The following FHAD1 variants were observed in gnomAD, a reference collection of about 807,000 sequenced individuals.
FHAD1 encodes the protein forkhead associated phosphopeptide binding domain 1, also known as forkhead-associated domain-containing protein 1.
Under a neutral mutation model 191.3 loss-of-function variants are expected in FHAD1, and 146 were observed. That is an observed-to-expected ratio of 0.76 (90% confidence interval 0.67 to 0.88). The LOEUF (loss-of-function observed/expected upper bound fraction) is 0.88, where lower values mean the gene tolerates loss of function less well. FHAD1 is among the 40% of genes least tolerant of loss of function. The pLI, the probability that FHAD1 is intolerant of heterozygous loss-of-function variation, is 0.00. For synonymous variants in FHAD1, 616 were observed against 672.3 expected (o/e 0.92, Z 1.29); for missense variants, 1,635 against 1,785.8 (o/e 0.92, Z 1.52).
At chr1:15,396,930 A>C (rs890253206) in intron 33 of FHAD1, among the ~76,000 whole-genome samples, 13 of 151,994 alleles carry the variant, frequency 8.6e-5, no homozygotes, top group Non-Finnish European at 1.3e-4. Context: ...CAAGCCTGTA[A>C]TCTCAGCACT....
chr1:15,299,635 A>C (rs894222342), intron 5 of FHAD1, among the ~76,000 whole-genome samples: 2 of 152,208 alleles, frequency 1.3e-5, no homozygotes, highest in African/African-American at 2.4e-5. Context: ...GTGCTCCCTC[A>C]AGGAAGTCAC....
At position 15,316,517 on chromosome 1, in the gene FHAD1, G is replaced by A; in HGVS notation, c.1260+50G>A. The A allele has an allele frequency of 6.7e-7, 1 of 1,486,218 alleles. No homozygotes were observed. The highest frequency in any genetic ancestry group is 9.2e-7 in the Non-Finnish European group (1 of 1,089,546). 92.1% of individuals were successfully genotyped at this position (1,486,218 alleles called of 1,614,324 possible). Reference sequence around the variant, plus strand: ...GGTACCACCAGAAAAAACAGAGTTTGACCTTGAGGTTCTTGGTGGGATCCT... The same window carrying A: ...GGTACCACCAGAAAAAACAGAGTTTAACCTTGAGGTTCTTGGTGGGATCCT... On this transcript the variant is annotated intron_variant, in intron 9 of 33. Transcript: ENST00000688493. The surrounding 1 kb of genome is among the most constrained non-coding windows in gnomAD (Gnocchi z 4.3).
At chr1:15,296,863 T>A in intron 5 of FHAD1, 70 bp downstream of exon 5, 2 of 1,265,512 alleles carry the variant, frequency 1.6e-6, no homozygotes, top group African/African-American at 1.5e-5. Flanking sequence ...TGCCGATGCC[T>A]GTTCTGTGTG....
At chr1:15,387,154 G>A (rs1702331514) in intron 31 of FHAD1, among the ~76,000 whole-genome samples, 4 of 152,118 alleles carry the variant, frequency 2.6e-5, no homozygotes, top group Non-Finnish European at 4.4e-5. Flanking sequence ...CTCCCAAAGT[G>A]CTGGGATTAT....
At chr1:15,390,583 C>G (rs1015783576) in intron 32 of FHAD1, among the ~76,000 whole-genome samples, 2 of 152,108 alleles carry the variant, frequency 1.3e-5, no homozygotes, top group Admixed American at 6.5e-5. Context: ...TTGGGGATCT[C>G]TGAGAGGGGG....
At chr1:15,363,088 C>G (rs1044331809) in intron 23 of FHAD1, among the ~76,000 whole-genome samples, 18 of 152,134 alleles carry the variant, frequency 1.2e-4, no homozygotes, top group Admixed American at 1.2e-3. Context: ...AAAAGAGATT[C>G]ATTTCTTACA....
At chr1:15,254,506 C>CA (rs1647180415) in intron 2 of FHAD1, among the ~76,000 whole-genome samples, 1 of 83,698 alleles carries the variant, frequency 1.2e-5, no homozygotes, top group Non-Finnish European at 2.3e-5. Flanking sequence ...TTTTTGTTCA[C>CA]AGTAAGGTGG....
At chr1:15,370,557 C>T (rs1157960915) in intron 26 of FHAD1, among the ~76,000 whole-genome samples, 2 of 152,202 alleles carry the variant, frequency 1.3e-5, no homozygotes, top group Admixed American at 1.3e-4. Context: ...GCCAAACTGC[C>T]TTCCCGAAGA....
At chr1:15,273,998 G>A (rs960809199) in intron 3 of FHAD1, among the ~76,000 whole-genome samples, 3 of 152,132 alleles carry the variant, frequency 2.0e-5, no homozygotes, top group Non-Finnish European at 4.4e-5. Flanking sequence ...TACGATATTT[G>A]TCCTTTTGTG....
downstream of FHAD1, among the ~76,000 whole-genome samples, chr1:15,402,369 T>C (rs1013455598): frequency 6.6e-5 from 10 of 152,212 alleles, no homozygotes. Flanking sequence ...AGTTTTAGGG[T>C]ACATGTGCAC....
At chr1:15,352,766 T>C in intron 19 of FHAD1, 111 bp from the exon 20 acceptor site, 1 of 752,382 alleles carries the variant, frequency 1.3e-6, no homozygotes. Context: ...TTGAGATCTT[T>C]CTCTCCAACC....
upstream of FHAD1, among the ~76,000 whole-genome samples, chr1:15,243,546 ACAGT>A (rs1461735498): frequency 6.6e-6 from 1 of 152,204 alleles, no homozygotes; most frequent in Admixed American, 6.5e-5. Context: ...GAAACATCAC[ACAGT>A]TCTCTGAGGA....
At chr1:15,353,203 T>A (rs1044638954) in intron 20 of FHAD1, among the ~76,000 whole-genome samples, 2 of 152,122 alleles carry the variant, frequency 1.3e-5, no homozygotes, top group African/African-American at 4.8e-5. Context: ...ATGACTGCTG[T>A]TATACACACA....
In FHAD1 at chr1:15,328,221, C is replaced by G; in HGVS notation, c.1558-56C>G. 9.3e-6 allele frequency: 13 copies of G among 1,393,096 alleles called. No homozygotes were observed. In the South Asian group the frequency reaches 1.8e-4, roughly 19 times the overall value. The allele number at this position is 1,393,096 out of a possible 1,614,324, so 86.3% of individuals were successfully genotyped here. A position where few individuals can be genotyped will look rare whatever the true frequency, so the allele number is the denominator to read the frequency against. On this transcript the variant is annotated intron_variant, in intron 12 of 33. Coordinates refer to ENST00000688493, the MANE Select transcript of FHAD1 (RefSeq NM_001391957.1). Reference sequence around the variant, plus strand: ...TCCCATTCCCCTTCCCTCAGGGCCCCCCACCCCTGTATGTTACATCTTTTT... The same window carrying G: ...TCCCATTCCCCTTCCCTCAGGGCCCGCCACCCCTGTATGTTACATCTTTTT...
Position 15,297,414 on chromosome 1 carries a change from C to T in FHAD1, c.678+621C>T, listed in dbSNP as rs11587859. Among the ~76,000 whole-genome samples the T allele has an allele frequency of 8.2e-3, 1,252 of 152,296 alleles. 23 individuals carry two copies. The highest frequency in any genetic ancestry group is 0.028 in the African/African-American group (1,182 of 41,570). Reference sequence around the variant, plus strand: ...CCAACCTAATACTAAAAGCAATGATCCACAATGCCTTGCTTCCCCTAAAGA... The same window carrying T: ...CCAACCTAATACTAAAAGCAATGATTCACAATGCCTTGCTTCCCCTAAAGA... On this transcript the variant is annotated intron_variant, in intron 5 of 33. Transcript: ENST00000688493.
At position 15,374,559 on chromosome 1, in the gene FHAD1, A is replaced by C; in HGVS notation, c.3505A>C (p.Ile1169Leu). 1 of 1,551,790 alleles carries C rather than the reference A, an allele frequency of 6.4e-7. No individual in the cohort carries two copies. The highest frequency in any genetic ancestry group is 8.7e-7 in the Non-Finnish European group (1 of 1,147,010). The change falls in exon 27 of 34, where the codon ATT becomes CTT. Residue 1169 changes from isoleucine to leucine, a missense_variant. By Grantham distance (5) the Ile-to-Leu change is conservative. Transcript: ENST00000688493. ...CAAAGGGTCCCGGCACGAGGAGGTC[A>C]TTCAGCGTCAGAAAAAGGCCTTATC... ...RCKGSRHEEVIQRQKKALSEL... is the reference protein window; with the variant it reads ...RCKGSRHEEVLQRQKKALSEL...
chr1:15,346,242 C>T (rs1688879269), intron 18 of FHAD1, among the ~76,000 whole-genome samples: 1 of 152,184 alleles, frequency 6.6e-6, no homozygotes, highest in African/African-American at 2.4e-5. Context: ...ACTGGTAGCT[C>T]AGCGACTAAA....
chr1:15,245,081 A>T (rs1645847364), upstream of FHAD1, among the ~76,000 whole-genome samples: 1 of 152,174 alleles, frequency 6.6e-6, no homozygotes, highest in Non-Finnish European at 1.5e-5. Flanking sequence ...TCAGCTCTTT[A>T]GGAAACTGAT....
At chr1:15,324,636 G>A in intron 11 of FHAD1, 77 bp downstream of exon 11, 1 of 1,032,946 alleles carries the variant, frequency 9.7e-7, no homozygotes, top group Non-Finnish European at 1.5e-6. Context: ...GGGGGTGAGA[G>A]AGGAGGACGC....
Sources: allele counts gnomAD v4.1 joint callset (sites outside exome capture counted in the v4.1 genomes callset), GRCh38; gene constraint gnomAD v4.1.1; non-coding constraint Gnocchi (gnomAD v3.1); transcripts MANE v1.5; gene names NCBI Gene and HGNC (gene_info 2026-07-23, HGNC 2026-07-21).